Variants in MYO1E observed in about 807,000 individuals in gnomAD.
MYO1E encodes unconventional myosin-Ie.
MYO1E carries 68 observed loss-of-function variants against 151.1 expected under a neutral mutation model. The observed-to-expected ratio is 0.45, with a 90% CI of 0.37 to 0.55. The LOEUF is 0.55. Among genes scored for constraint, MYO1E ranks in the 20% least tolerant of loss-of-function variants. The probability of loss-of-function intolerance (pLI) is 0.00; values close to 1 mark genes in which losing one functional copy is unlikely to be tolerated. For synonymous variants in MYO1E, 601 were observed against 501.7 expected, an observed-to-expected ratio of 1.20 and a Z score of -2.64; for missense variants, 1,363 against 1,389.3, an observed-to-expected ratio of 0.98 and a Z score of 0.30.
chr15:59,309,628 A>G (rs769052676), intron 1 of MYO1E, among the ~76,000 whole-genome samples: 1 of 151,040 alleles, frequency 6.6e-6, no homozygotes, highest in Non-Finnish European at 1.5e-5. Context: ...TCAGTATGGC[A>G]GTAGCTGCCA....
chr15:59,302,433 T>C (rs1432398667), intron 1 of MYO1E, among the ~76,000 whole-genome samples: 6 of 152,186 alleles, frequency 3.9e-5, no homozygotes, highest in Non-Finnish European at 8.8e-5. Flanking sequence ...CAGAACACCT[T>C]AGCTGGGTGA....
chr15:59,249,051 T>C (rs879839689), intron 4 of MYO1E, among the ~76,000 whole-genome samples: 2 of 152,158 alleles, frequency 1.3e-5, no homozygotes, highest in Non-Finnish European at 2.9e-5. Context: ...CAAATCAAGT[T>C]TGTAGATGGA....
intron 1 of MYO1E, among the ~76,000 whole-genome samples, chr15:59,368,561 T>C (rs141502546): frequency 9.2e-5 from 14 of 151,400 alleles, no homozygotes; most frequent in African/African-American, 3.2e-4. Context: ...CTGGCCAACA[T>C]AGTGGAACCC....
chr15:59,183,576 T>C (rs1197941261), intron 18 of MYO1E, among the ~76,000 whole-genome samples: 1 of 152,194 alleles, frequency 6.6e-6, no homozygotes, highest in African/African-American at 2.4e-5. Context: ...TTTTCTTTTT[T>C]ACTTTTTGCA....
At chr15:59,367,123 T>G (rs759937560) in intron 1 of MYO1E, among the ~76,000 whole-genome samples, 10 of 152,130 alleles carry the variant, frequency 6.6e-5, no homozygotes, top group Non-Finnish European at 1.5e-4. Context: ...TTTAAAATAT[T>G]TCTGCTTGTT....
chr15:59,291,805 AG>A (rs2080421407), intron 1 of MYO1E, among the ~76,000 whole-genome samples: 1 of 149,720 alleles, frequency 6.7e-6, no homozygotes, highest in Admixed American at 6.7e-5. Context: ...ATTAAACATG[AG>A]GGAAACATTA....
At chr15:59,287,255 C>G (rs1314871135) in intron 1 of MYO1E, among the ~76,000 whole-genome samples, 1 of 152,184 alleles carries the variant, frequency 6.6e-6, no homozygotes, top group African/African-American at 2.4e-5. Context: ...GCTTGTCTCT[C>G]GGAACCCACA....
rs564791152 is a variant in MYO1E, at chr15:59,310,676, C to A, written c.4-38227G>T. On this transcript the variant is annotated intron_variant, in intron 1 of 27. Coordinates refer to ENST00000288235, the MANE Select transcript of MYO1E (RefSeq NM_004998.4). Reference sequence around the variant, plus strand: ...GAGAACACATTTCTGTTGTTTTAAGCCACCAGTTCATAGCAATTTGTTAAG... The same window carrying A: ...GAGAACACATTTCTGTTGTTTTAAGACACCAGTTCATAGCAATTTGTTAAG... Among the ~76,000 whole-genome samples, 3 of 152,104 alleles carry A rather than the reference C, an allele frequency of 2.0e-5. No individual in the cohort carries two copies. The South Asian group carries it at 6.3e-4, about 32-fold the overall frequency.
chr15:59,366,366 G>A (rs2080913699), intron 1 of MYO1E, among the ~76,000 whole-genome samples: 1 of 149,210 alleles, frequency 6.7e-6, no homozygotes, highest in Non-Finnish European at 1.5e-5. Flanking sequence ...ACAGCTCACT[G>A]CATACTTGAA....
chr15:59,277,470 A>G (rs1027912213), intron 1 of MYO1E, among the ~76,000 whole-genome samples: 2 of 149,472 alleles, frequency 1.3e-5, no homozygotes, highest in Admixed American at 1.4e-4. Context: ...GCTTGAACCC[A>G]GGAGGCGGAG....
intron 4 of MYO1E, among the ~76,000 whole-genome samples, chr15:59,242,332 T>C (rs1348770511): frequency 6.6e-6 from 1 of 152,080 alleles, no homozygotes; most frequent in Non-Finnish European, 1.5e-5. Context: ...CATATAACTG[T>C]GCCAAAAGGT....
intron 1 of MYO1E, among the ~76,000 whole-genome samples, chr15:59,315,589 A>G (rs2080583416): frequency 6.6e-6 from 1 of 152,164 alleles, no homozygotes; most frequent in Non-Finnish European, 1.5e-5. Flanking sequence ...TCTGCCAAGA[A>G]ATAACACTGG....
chr15:59,292,072 G>A (rs762520495), intron 1 of MYO1E, among the ~76,000 whole-genome samples: 3 of 152,186 alleles, frequency 2.0e-5, no homozygotes, highest in Non-Finnish European at 4.4e-5. Context: ...ATTTAAAAAT[G>A]TAAGTAAACC....
chr15:59,324,700 G>C (rs2080652389), intron 1 of MYO1E, among the ~76,000 whole-genome samples: 1 of 149,968 alleles, frequency 6.7e-6, no homozygotes, highest in Non-Finnish European at 1.5e-5. Flanking sequence ...AGCAGAGCCT[G>C]AGAATTATTG....
intron 1 of MYO1E, among the ~76,000 whole-genome samples, chr15:59,288,157 CT>C (rs1485191608): frequency 6.6e-6 from 1 of 152,144 alleles, no homozygotes; most frequent in East Asian, 1.9e-4. Context: ...AATTCTATTA[CT>C]TTTTTTAAAT....
intron 9 of MYO1E, among the ~76,000 whole-genome samples, chr15:59,221,584 G>A (rs1465863887): frequency 6.6e-6 from 1 of 152,098 alleles, no homozygotes; most frequent in Non-Finnish European, 1.5e-5. Context: ...GGAAATTATT[G>A]GTAGGGGGAG....
chr15:59,294,780 C>T (rs1426877065), intron 1 of MYO1E, among the ~76,000 whole-genome samples: 5 of 152,196 alleles, frequency 3.3e-5, no homozygotes, highest in African/African-American at 1.2e-4. Flanking sequence ...CTTGCCAGTG[C>T]TATTTCCCAC....
intron 1 of MYO1E, among the ~76,000 whole-genome samples, chr15:59,335,063 CAAAGAG>C (rs1272055894): frequency 6.6e-6 from 1 of 152,150 alleles, no homozygotes; most frequent in Non-Finnish European, 1.5e-5. Flanking sequence ...AAGATTGTCT[CAAAGAG>C]AACATTCACA....
chr15:59,154,132 G>C (rs193105565), intron 25 of MYO1E, among the ~76,000 whole-genome samples: 7 of 152,298 alleles, frequency 4.6e-5, no homozygotes, highest in South Asian at 2.1e-4. Context: ...CAGATTTCCT[G>C]GGGTTCAAAG....
Sources: gnomAD v4.1 joint callset for allele counts (sites outside exome capture counted in the v4.1 genomes callset) on GRCh38, gnomAD v4.1.1 for gene constraint, MANE v1.5 for transcripts, NCBI Gene and HGNC (gene_info 2026-07-23, HGNC 2026-07-21) for gene names.